Variants in LAMC3 observed in about 807,000 individuals in gnomAD.
LAMC3 encodes the protein laminin subunit gamma-3.
In LAMC3, 128 loss-of-function variants were observed where a neutral mutation model predicts 173.8. The ratio of observed to expected loss-of-function variants is 0.74; its 90% CI spans 0.64 to 0.85. The LOEUF is 0.85. Among genes scored for constraint, LAMC3 ranks in the 40% least tolerant of loss-of-function variants. The pLI is 0.00. For synonymous variants in LAMC3, 897 were observed against 909.1 expected (o/e 0.99, Z 0.24); for missense variants, 2,022 against 2,156.0 (o/e 0.94, Z 1.23).
At chr9:131,048,312 C>G (rs1392256971) in intron 8 of LAMC3, among the ~76,000 whole-genome samples, 1 of 152,174 alleles carries the variant, frequency 6.6e-6, no homozygotes, top group Non-Finnish European at 1.5e-5. Flanking sequence ...CCACCTCGGC[C>G]TCTCAGAGTG....
intron 9 of LAMC3, among the ~76,000 whole-genome samples, chr9:131,052,045 G>A (rs1410823859): frequency 6.6e-6 from 1 of 152,158 alleles, no homozygotes; most frequent in Non-Finnish European, 1.5e-5. Flanking sequence ...TGCTCACTCA[G>A]CCAGCTCACT....
chr9:131,085,651 C>A lies in LAMC3; in HGVS notation c.4158C>A (p.Asn1386Lys). 6.2e-7 allele frequency: 1 copy of A among 1,614,166 alleles called. No homozygotes were observed. Among genetic ancestry groups the A allele is most frequent in the Admixed American group, 1.7e-5 (1 of 60,026 alleles). ...AGCAGGCGGAGAGGATGCTGGGAAA[C>A]GCGGCCCCTCTTTCCTCCAGTGCCA... is the stretch of plus-strand genomic sequence containing the variant. The part of the protein sequence containing the change: ...KTKQAERMLG[N>K]AAPLSSSAKK... The change falls in exon 25 of 28, where the codon AAC becomes AAA. Residue 1386 changes from asparagine to lysine, a missense_variant. Physicochemically the swap from Asn to Lys is moderately conservative, Grantham distance 94 (BLOSUM62 0). Coordinates refer to ENST00000361069, the MANE Select transcript of LAMC3 (RefSeq NM_006059.4).
rs1390601573 is a variant in LAMC3 at position 131,087,809 on chromosome 9, C to T, written c.4469C>T (p.Ala1490Val). The T allele has an allele frequency of 6.2e-7, 1 of 1,613,762 alleles. No individual in the cohort carries two copies. The highest frequency in any genetic ancestry group is 8.5e-7 in the Non-Finnish European group (1 of 1,179,928). Residue 1490 changes from alanine (A) to valine (V), a missense_variant, in exon 27 of 28, where the codon GCC (alanine) becomes GTC (valine). Transcript: ENST00000361069. ...KDIETLSELL[A>V]RLGSLDTHQA... The stretch of plus-strand genomic sequence containing the variant: ...ATCGAGACCTTGTCAGAGCTGCTTG[C>T]CAGGCTGGGTAAGGAGGCCCTAAGG...
At chr9:131,073,072 T>C (rs1247490301) in intron 19 of LAMC3, among the ~76,000 whole-genome samples, 173 bp from the exon 20 acceptor site, 2 of 152,192 alleles carry the variant, frequency 1.3e-5, no homozygotes, top group African/African-American at 4.8e-5. Context: ...TGCATCCTTA[T>C]TGGTGTTTCT....
intron 21 of LAMC3, among the ~76,000 whole-genome samples, chr9:131,076,368 T>G (rs961915613): frequency 3.3e-5 from 5 of 152,092 alleles, no homozygotes; most frequent in African/African-American, 1.2e-4. Context: ...GCTTTTCTGC[T>G]TTGGTGACCC....
At chr9:131,061,378 C>T (rs972894865) in intron 13 of LAMC3, among the ~76,000 whole-genome samples, 155 bp downstream of exon 13, 4 of 152,194 alleles carry the variant, frequency 2.6e-5, no homozygotes, top group Non-Finnish European at 4.4e-5. Flanking sequence ...TCTGAGGACA[C>T]GGAATCCCTC....
intron 1 of LAMC3, among the ~76,000 whole-genome samples, chr9:131,025,415 C>T (rs1044935898): frequency 1.3e-5 from 2 of 152,092 alleles, no homozygotes; most frequent in African/African-American, 4.8e-5. Context: ...CAGGGTGGAG[C>T]GCAGGGCAGG....
intron 13 of LAMC3, among the ~76,000 whole-genome samples, chr9:131,066,311 T>C (rs1829930721): frequency 6.6e-6 from 1 of 150,856 alleles, no homozygotes; most frequent in Non-Finnish European, 1.5e-5. Flanking sequence ...GCCAACATGG[T>C]GAAACCCCGT....
At position 131,069,769 on chromosome 9, in the gene LAMC3, C is replaced by T; in HGVS notation, c.2988C>T (p.Arg996=). ...GCTTCGAGGGCTACAAATGTGACCG[C>T]TGCCACGACAACTTCTTCCTCACGG... The part of the protein sequence containing the change: ...RPGFEGYKCD[R]CHDNFFLTAD... The change falls in exon 17 of 28, where the codon CGC becomes CGT. Residue 996 remains arginine, a synonymous_variant. Coordinates refer to ENST00000361069, the MANE Select transcript of LAMC3 (RefSeq NM_006059.4). The T allele has an allele frequency of 6.3e-7, 1 of 1,596,462 alleles. No homozygotes were observed. Among genetic ancestry groups the T allele is most frequent in the African/African-American group, 1.3e-5 (1 of 74,818 alleles).
chr9:131,019,078 C>G (rs1833581847), intron 1 of LAMC3, among the ~76,000 whole-genome samples: 1 of 152,228 alleles, frequency 6.6e-6, no homozygotes, highest in South Asian at 2.1e-4. Flanking sequence ...GCCTGGCCTA[C>G]ATGGTGAAAT....
At chr9:131,011,579 T>A (rs1443881575) in intron 1 of LAMC3, among the ~76,000 whole-genome samples, 1 of 151,498 alleles carries the variant, frequency 6.6e-6, no homozygotes, top group African/African-American at 2.4e-5. Context: ...ACTCCCTTCT[T>A]CTGGGGCCAC....
rs758311960 is a variant in LAMC3, at chr9:131,077,225, C to G, written c.3668C>G (p.Thr1223Arg). ...EVQAAQKALR[T>R]AVAEVLPEAE... ...CAGGCGGCCCAGAAAGCACTGAGGACGGCTGTGGCAGAGGTGCTGCCTGAA... is the reference window on the plus strand; with the variant it reads ...CAGGCGGCCCAGAAAGCACTGAGGAGGGCTGTGGCAGAGGTGCTGCCTGAA... The change falls in exon 22 of 28, where the codon ACG becomes AGG. Residue 1223 changes from threonine (T) to arginine (R), a missense_variant. By Grantham distance (71) the Thr-to-Arg change is moderately conservative. Transcript: ENST00000361069. 6.2e-7 allele frequency: 1 copy of G among 1,613,934 alleles called. No individual in the cohort carries two copies. Among genetic ancestry groups the G allele is most frequent in the Non-Finnish European group, 8.5e-7 (1 of 1,180,030 alleles).
chr9:131,072,757 C>A lies in LAMC3; in HGVS notation c.3339C>A (p.Thr1113=), dbSNP rs761193970. Residue 1113 remains threonine (T), a synonymous_variant, in exon 19 of 28, where the codon ACC becomes ACA. Coordinates refer to ENST00000361069, the MANE Select transcript of LAMC3 (RefSeq NM_006059.4). ...CAQAGSQKTC[T]QLADLEAVLE... ...AGGCCGGATCCCAGAAGACCTGCAC[C>A]CAGCTGGCAGACCTGGAGGCAGTGC... is the stretch of plus-strand genomic sequence containing the variant. The A allele has an allele frequency of 1.2e-6, 2 of 1,613,324 alleles. No homozygotes were observed. The highest frequency in any genetic ancestry group is 1.1e-5 in the South Asian group (1 of 90,822).
chr9:131,013,493 G>C (rs1833461893), intron 1 of LAMC3, among the ~76,000 whole-genome samples: 1 of 152,156 alleles, frequency 6.6e-6, no homozygotes, highest in African/African-American at 2.4e-5. Flanking sequence ...CCGTTTGCTT[G>C]GTGGTCACCC....
chr9:131,052,882 C>A lies in LAMC3; in HGVS notation c.1856C>A (p.Pro619Gln). The change falls in exon 11 of 28, where the codon CCA (proline) becomes CAA (glutamine). Residue 619 changes from proline (P) to glutamine (Q), a missense_variant. Pro to Gln is a moderately conservative substitution (Grantham distance 76). Coordinates refer to ENST00000361069, the MANE Select transcript of LAMC3 (RefSeq NM_006059.4). The part of the protein sequence containing the change: ...LQETSEDVAP[P>Q]LPPFHFQRLL... Reference sequence around the variant, plus strand: ...GAGACCTCCGAGGACGTGGCCCCTCCACTGCCCCCCTTCCACTTCCAGCGG... The same window carrying A: ...GAGACCTCCGAGGACGTGGCCCCTCAACTGCCCCCCTTCCACTTCCAGCGG... 1.9e-6 allele frequency: 3 copies of A among 1,613,984 alleles called. No individual in the cohort carries two copies. Among genetic ancestry groups the A allele is most frequent in the Non-Finnish European group, 2.5e-6 (3 of 1,179,974 alleles).
chr9:131,066,815 C>A (rs928234791), intron 13 of LAMC3, 145 bp from the exon 14 acceptor site: 209 of 1,050,734 alleles, frequency 2.0e-4, no homozygotes, highest in Non-Finnish European at 2.8e-4. Context: ...TGTGGGCAGC[C>A]ACTGGGGGCC....
At chr9:131,014,452 G>T (rs765342871) in intron 1 of LAMC3, among the ~76,000 whole-genome samples, 4 of 152,212 alleles carry the variant, frequency 2.6e-5, no homozygotes, top group Non-Finnish European at 4.4e-5. Flanking sequence ...CCCCTCTAAG[G>T]TTGGGCAGAA....
chr9:131,021,100 A>G (rs1299732258), intron 1 of LAMC3: 4 of 152,210 alleles, frequency 2.6e-5, no homozygotes, highest in Admixed American at 2.0e-4. Context: ...TCTTGCTTGG[A>G]GTAACACAGG....
At chr9:131,022,623 C>T (rs1427183702) in intron 1 of LAMC3, among the ~76,000 whole-genome samples, 5 of 151,978 alleles carry the variant, frequency 3.3e-5, no homozygotes, top group Admixed American at 6.6e-5. Context: ...TGCAGTGGCA[C>T]GATCACAGCT....
Sources: gnomAD v4.1 joint callset for allele counts (sites outside exome capture counted in the v4.1 genomes callset) on GRCh38, gnomAD v4.1.1 for gene constraint, MANE v1.5 for transcripts, NCBI Gene and HGNC (gene_info 2026-07-23, HGNC 2026-07-21) for gene names.